The following PABPC1L variants were observed in gnomAD, a reference collection of about 807,000 sequenced individuals.
PABPC1L encodes the protein poly(A) binding protein cytoplasmic 1 like, also known as polyadenylate-binding protein 1-like.
Under a neutral mutation model 66.6 loss-of-function variants are expected in PABPC1L, and 31 were observed. The ratio of observed to expected loss-of-function variants is 0.47; its 90% CI spans 0.35 to 0.63. The LOEUF (loss-of-function observed/expected upper bound fraction) is 0.63. Ranked by LOEUF, PABPC1L falls within the 20% of genes least tolerant of loss-of-function variation. PABPC1L has a pLI of 0.00. For synonymous variants in PABPC1L, 348 were observed against 335.1 expected, an observed-to-expected ratio of 1.04 and a Z score of -0.42; for missense variants, 722 against 848.8, an observed-to-expected ratio of 0.85 and a Z score of 1.86.
At chr20:44,928,857 C>T (rs143051527) in intron 7 of PABPC1L, among the ~76,000 whole-genome samples, 1,027 of 97,602 alleles carry the variant, frequency 0.011, 21 homozygotes, top group African/African-American at 0.041. Flanking sequence ...AGAGTGAGAT[C>T]CTGACTCAAA....
In PABPC1L at chr20:44,916,969, A is replaced by G. The variant is rs149942064; in HGVS notation, c.503+98A>G. 406 of 1,181,272 alleles carry G rather than the reference A, an allele frequency of 3.4e-4. 1 individual carries two copies. The African/African-American group carries it at 5.2e-3, about 15-fold the overall frequency. The allele number at this position is 1,181,272 out of a possible 1,614,324, so 73.2% of individuals were successfully genotyped here. ...TGCTACCCTCAAGCTGCTAATGGGC[A>G]CCAGGCACTTGAGCGGCAGGCAGCC... On this transcript the variant is annotated intron_variant, in intron 3 of 14. Coordinates refer to ENST00000217073, the MANE Select transcript of PABPC1L (RefSeq NM_001372179.1).
rs767202623 is a variant in PABPC1L at position 44,919,315 on chromosome 20, G to C, written c.738+38G>C. On this transcript the variant is annotated intron_variant, in intron 5 of 14. Coordinates refer to ENST00000217073, the MANE Select transcript of PABPC1L (RefSeq NM_001372179.1). Reference sequence around the variant, plus strand: ...CCATGGCTCTGTTCTGCAGCAGGGGGACCGAGCTGGGACTAAGAAGAGGGT... The same window carrying C: ...CCATGGCTCTGTTCTGCAGCAGGGGCACCGAGCTGGGACTAAGAAGAGGGT... The C allele has an allele frequency of 2.5e-6, 4 of 1,604,366 alleles. No individual in the cohort carries two copies. The South Asian group carries it at 4.4e-5, about 18-fold the overall frequency.
In PABPC1L at chr20:44,935,478, C is replaced by G; in HGVS notation, c.1547C>G (p.Ala516Gly). ...CTCCTGCCGTGCAAATGTTCCTCAG[C>G]AGCACATAGCACCTATCGGGTAAGG... ...RPLLPCKCSS[A>G]AHSTYRVQEP... is the part of the protein sequence containing the mutation. Residue 516 changes from alanine to glycine, a missense_variant, in exon 11 of 15, where the codon GCA (alanine) becomes GGA (glycine). Ala to Gly is a moderately conservative substitution (Grantham distance 60, BLOSUM62 0). Coordinates refer to ENST00000217073, the MANE Select transcript of PABPC1L (RefSeq NM_001372179.1). 3 of 1,614,182 alleles carry G rather than the reference C, an allele frequency of 1.9e-6. No individual in the cohort carries two copies. Among genetic ancestry groups the G allele is most frequent in the Non-Finnish European group, 2.5e-6 (3 of 1,180,024 alleles).
intron 7 of PABPC1L, among the ~76,000 whole-genome samples, chr20:44,926,770 C>G (rs1354377454): frequency 6.6e-6 from 1 of 151,944 alleles, no homozygotes; most frequent in African/African-American, 2.4e-5. Flanking sequence ...TGGTCCTGAA[C>G]TCTTGACCTC....
At chr20:44,918,879 C>T in intron 3 of PABPC1L, 27 bp from the exon 4 acceptor site, 1 of 1,549,528 alleles carries the variant, frequency 6.5e-7, no homozygotes, top group Non-Finnish European at 8.7e-7. Flanking sequence ...CTGTCCACAG[C>T]CATGAGCCAG....
chr20:44,910,305 C>T lies in PABPC1L; in HGVS notation c.162C>T (p.Tyr54=). ...RDVATRRSLG[Y]AYINFQQPAD... ...TAGCCACCCGGCGCTCGCTGGGCTACGCCTACATCAACTTCCAGCAGCCCG... is the reference window on the plus strand; with the variant it reads ...TAGCCACCCGGCGCTCGCTGGGCTATGCCTACATCAACTTCCAGCAGCCCG... Residue 54 remains tyrosine (Y), a synonymous_variant, in exon 1 of 15, where the codon TAC becomes TAT. Coordinates refer to ENST00000217073, the MANE Select transcript of PABPC1L (RefSeq NM_001372179.1). 1 of 1,534,172 alleles carries T rather than the reference C, an allele frequency of 6.5e-7. No individual in the cohort carries two copies. The highest frequency in any genetic ancestry group is 8.8e-7 in the Non-Finnish European group (1 of 1,136,224).
At position 44,910,080 on chromosome 20, in the gene PABPC1L, T is replaced by A; in HGVS notation, c.-64T>A. 7.1e-7 allele frequency: 1 copy of A among 1,406,860 alleles called. No individual in the cohort carries two copies. The highest frequency in any genetic ancestry group is 1.3e-5 in the South Asian group (1 of 75,454). 87.1% of individuals were successfully genotyped at this position (1,406,860 alleles called of 1,614,324 possible). A position where few individuals can be genotyped will look rare whatever the true frequency, so the allele number is the denominator to read the frequency against. ...CCAGGAAGGAGGGCTTCCGCCCGGG[T>A]GAGCGCGGGGCTGCTGGGTGACCCG... On this transcript the variant is annotated 5_prime_UTR_variant, in exon 1 of 15. Coordinates refer to ENST00000217073, the MANE Select transcript of PABPC1L (RefSeq NM_001372179.1).
At position 44,924,154 on chromosome 20, in the gene PABPC1L, A is replaced by G; in HGVS notation, c.877-7A>G. ...GGGGACATCCAGCAGTTTCCCTTCC[A>G]TCCCAGGGTGTGAACTTGTATGTGA... On this transcript the variant is annotated splice_polypyrimidine_tract_variant and splice_region_variant and intron_variant, in intron 6 of 14. Transcript: ENST00000217073. The G allele has an allele frequency of 6.2e-7, 1 of 1,611,088 alleles. No individual in the cohort carries two copies. Among genetic ancestry groups the G allele is most frequent in the Non-Finnish European group, 8.5e-7 (1 of 1,177,316 alleles).
At chr20:44,935,573 G>A in intron 11 of PABPC1L, 76 bp downstream of exon 11, 6 of 1,256,100 alleles carry the variant, frequency 4.8e-6, no homozygotes, top group Non-Finnish European at 6.7e-6. Context: ...AAGGTGTTGG[G>A]CCTTGGCTTT....
chr20:44,938,707 C>T lies in PABPC1L; in HGVS notation c.1825C>T (p.Gln609Ter). Residue 609 changes from glutamine (Q) to a stop codon, truncating the protein, a stop_gained, in exon 14 of 15, where the codon CAG becomes TAG. Transcript: ENST00000217073. LOFTEE classifies it high-confidence loss of function. ...DEAVAVLQAH[Q>*]AMEQPKAYMH ...GGCAGTGGCCGTGCTGCAGGCACAC[C>T]AGGCTATGGAGCAGCCGAAGGCGTA... The T allele has an allele frequency of 6.2e-7, 1 of 1,611,930 alleles. No individual in the cohort carries two copies. Among genetic ancestry groups the T allele is most frequent in the East Asian group, 2.2e-5 (1 of 44,844 alleles).
intron 11 of PABPC1L, among the ~76,000 whole-genome samples, chr20:44,936,436 C>T (rs1041449258): frequency 6.6e-5 from 10 of 152,130 alleles, no homozygotes; most frequent in African/African-American, 2.2e-4. Flanking sequence ...CTACAGGAAA[C>T]GTCTAAGCTA....
chr20:44,935,146 A>T (rs1018129022), intron 10 of PABPC1L, among the ~76,000 whole-genome samples: 16 of 151,360 alleles, frequency 1.1e-4, no homozygotes, highest in African/African-American at 3.9e-4. Context: ...TTGGGTATAT[A>T]CCCAGAGGTA....
At chr20:44,916,273 T>C (rs965401177) in intron 2 of PABPC1L, among the ~76,000 whole-genome samples, 1 of 152,184 alleles carries the variant, frequency 6.6e-6, no homozygotes, top group African/African-American at 2.4e-5. Context: ...GTTTTTTCTT[T>C]TCTGTTTTTA....
At chr20:44,929,764 T>C (rs113964930) in intron 7 of PABPC1L, among the ~76,000 whole-genome samples, 1,686 of 150,250 alleles carry the variant, frequency 0.011, 25 homozygotes, top group African/African-American at 0.037. Context: ...CACTCCACTC[T>C]AGCCTGAGTG....
intron 2 of PABPC1L, among the ~76,000 whole-genome samples, chr20:44,914,402 G>A (rs2066725285): frequency 6.6e-6 from 1 of 151,984 alleles, no homozygotes; most frequent in Admixed American, 6.6e-5. Flanking sequence ...TAGAGACGGG[G>A]TTTCACCGTG....
Position 44,936,742 on chromosome 20 carries a change from G to A in PABPC1L, c.1660+12G>A. ...AAAGCAGATGATTGGTGAGTGGCTG[G>A]TTCTCCTACTGTGGAGCAAGAAGAG... On this transcript the variant is annotated intron_variant, in intron 12 of 14. Coordinates refer to ENST00000217073, the MANE Select transcript of PABPC1L (RefSeq NM_001372179.1). 3 of 1,599,330 alleles carry A rather than the reference G, an allele frequency of 1.9e-6. No homozygotes were observed. The highest frequency in any genetic ancestry group is 2.3e-5 in the East Asian group (1 of 44,376).
chr20:44,916,686 C>G (rs2066739714), intron 2 of PABPC1L, 70 bp from the exon 3 acceptor site: 1 of 1,433,472 alleles, frequency 7.0e-7, no homozygotes, highest in Non-Finnish European at 9.8e-7. Context: ...TGGTCGTGAT[C>G]ACCTTTGCCA....
chr20:44,932,320 TG>T, intron 8 of PABPC1L, 21 bp from the exon 9 acceptor site: 1 of 1,587,768 alleles, frequency 6.3e-7, no homozygotes, highest in South Asian at 1.1e-5. Flanking sequence ...CCCCTCAGTC[TG>T]GGTCTTCTTT....
chr20:44,919,048 G>C lies in PABPC1L; in HGVS notation c.643+3G>C. 6.2e-7 allele frequency: 1 copy of C among 1,611,390 alleles called. No individual in the cohort carries two copies. Among genetic ancestry groups the C allele is most frequent in the East Asian group, 2.2e-5 (1 of 44,854 alleles). On this transcript the variant is annotated splice_donor_region_variant and intron_variant, in intron 4 of 14. Transcript: ENST00000217073. ...GCAGGACCTCTTCTCCCAGTTTGGT[G>C]GGTGTGTCCCCAAGGGAGCGGGGGG...
Sources: gnomAD v4.1 joint callset for allele counts (sites outside exome capture counted in the v4.1 genomes callset) on GRCh38, gnomAD v4.1.1 for gene constraint, MANE v1.5 for transcripts, NCBI Gene and HGNC (gene_info 2026-07-23, HGNC 2026-07-21) for gene names.